Variants in LTBP1 observed in about 807,000 individuals in gnomAD.
LTBP1 encodes latent transforming growth factor beta binding protein 1, also known as latent-transforming growth factor beta-binding protein 1.
In LTBP1, 129 loss-of-function variants were observed where a neutral mutation model predicts 207.6. The ratio of observed to expected loss-of-function variants is 0.62; its 90% CI spans 0.54 to 0.72. LTBP1 has a LOEUF of 0.72. Ranked by LOEUF, LTBP1 falls within the 30% of genes least tolerant of loss-of-function variation. LTBP1 has a pLI of 0.00. For missense variants in LTBP1, 2,281 were observed against 2,217.2 expected (o/e 1.03, Z -0.58); for synonymous variants, 963 against 833.7 (o/e 1.16, Z -2.67).
intron 7 of LTBP1, among the ~76,000 whole-genome samples, chr2:33,207,594 A>G (rs1573185683): frequency 6.6e-6 from 1 of 152,204 alleles, no homozygotes; most frequent in East Asian, 1.9e-4. Flanking sequence ...GAAAATCTGG[A>G]AGTATTTATG....
In LTBP1 at chr2:33,149,257, AG is replaced by A. The variant is rs1478654168; in HGVS notation, c.1201+14298del. On this transcript the variant is annotated intron_variant, in intron 5 of 33. Transcript: ENST00000404816. ...AAAAAAAAAAAAAAAAAAAAAAAAG[AG>A]AGGGAGCTCCCATGGCAGGTAATAA... 2.2e-4 allele frequency among the ~76,000 whole-genome samples: 31 copies of A among 139,578 alleles called. 1 individual carries two copies. In the Admixed American group the frequency reaches 2.2e-3, roughly 10 times the overall value. 91.6% of individuals were successfully genotyped at this position (139,578 alleles called of 152,430 possible).
At chr2:33,164,697 A>C (rs2084774940) in intron 5 of LTBP1, among the ~76,000 whole-genome samples, 1 of 152,200 alleles carries the variant, frequency 6.6e-6, no homozygotes, top group South Asian at 2.1e-4. Context: ...AGAAAGTTTA[A>C]CTTTGAGTCT....
At chr2:33,018,316 C>G (rs1017019870) in intron 2 of LTBP1, among the ~76,000 whole-genome samples, 2 of 151,938 alleles carry the variant, frequency 1.3e-5, no homozygotes, top group Non-Finnish European at 2.9e-5. Flanking sequence ...CCTTGGCCTC[C>G]CCCTAGGTGC....
At chr2:33,052,384 A>T (rs2076788638) in intron 3 of LTBP1, among the ~76,000 whole-genome samples, 1 of 152,274 alleles carries the variant, frequency 6.6e-6, no homozygotes, top group Non-Finnish European at 1.5e-5. Flanking sequence ...ACTGAATTAG[A>T]TTATTTAAAC....
rs754621211 is a variant in LTBP1 at position 33,315,214 on chromosome 2, C to T, written c.3675C>T (p.Phe1225=). 1.9e-5 allele frequency: 31 copies of T among 1,613,626 alleles called. No individual in the cohort carries two copies. Among genetic ancestry groups the T allele is most frequent in the Middle Eastern group, 1.6e-4 (1 of 6,082 alleles). Residue 1225 remains phenylalanine, a synonymous_variant, in exon 24 of 34, where the codon TTC becomes TTT. Coordinates refer to ENST00000404816, the MANE Select transcript of LTBP1 (RefSeq NM_206943.4). Reference sequence around the variant, plus strand: ...AGTGCCTAAACACAGAGGGTTCTTTCCATTGTGTCTGCCAGCAGGGTTTCT... The same window carrying T: ...AGTGCCTAAACACAGAGGGTTCTTTTCATTGTGTCTGCCAGCAGGGTTTCT... ...QGECLNTEGS[F]HCVCQQGFSI... is the part of the protein sequence containing the mutation.
At chr2:33,165,208 A>C (rs899796870) in intron 5 of LTBP1, among the ~76,000 whole-genome samples, 1 of 152,178 alleles carries the variant, frequency 6.6e-6, no homozygotes, top group Non-Finnish European at 1.5e-5. Context: ...AAGAAAGCAT[A>C]TTGGAGGGAT....
At chr2:33,242,375 C>T (rs1160860998) in intron 9 of LTBP1, among the ~76,000 whole-genome samples, 2 of 152,238 alleles carry the variant, frequency 1.3e-5, no homozygotes, top group South Asian at 2.1e-4. Context: ...TTTGATTTCC[C>T]CCTGGATCTC....
chr2:33,349,946 A>T (rs1553513126), intron 26 of LTBP1, among the ~76,000 whole-genome samples: 1 of 152,222 alleles, frequency 6.6e-6, no homozygotes, highest in Non-Finnish European at 1.5e-5. Context: ...GGCTCTGAGC[A>T]TTCTCCCTTC....
intron 2 of LTBP1, among the ~76,000 whole-genome samples, chr2:32,950,684 T>C (rs957601540): frequency 1.3e-5 from 2 of 151,922 alleles, no homozygotes; most frequent in Non-Finnish European, 2.9e-5. Context: ...TGAGCAGAGA[T>C]TGTGCTGGGC....
chr2:33,317,464 G>A (rs1238881433), intron 24 of LTBP1, among the ~76,000 whole-genome samples: 1 of 152,074 alleles, frequency 6.6e-6, no homozygotes, highest in Non-Finnish European at 1.5e-5. Context: ...TTCTAAATTG[G>A]TCCAAATTTC....
Position 33,162,693 on chromosome 2 carries a change from G to T in LTBP1, c.1202-24163G>T, listed in dbSNP as rs13395257. Among the ~76,000 whole-genome samples the T allele has an allele frequency of 5.3e-3, 803 of 152,280 alleles. 4 individuals are homozygous for T. Among genetic ancestry groups the T allele is most frequent in the Non-Finnish European group, 8.0e-3 (545 of 68,018 alleles). ...TCATATGTATACCCTTTCTTATCCA[G>T]TGATAGTAGAAGCTTCATATTTAAG... is the stretch of plus-strand genomic sequence containing the variant. On this transcript the variant is annotated intron_variant, in intron 5 of 33. Transcript: ENST00000404816.
At chr2:33,084,171 C>T (rs540022134) in intron 3 of LTBP1, among the ~76,000 whole-genome samples, 33 of 152,272 alleles carry the variant, frequency 2.2e-4, no homozygotes, top group African/African-American at 5.1e-4. Context: ...AAAAAAAACA[C>T]GGAAAGTTTC....
intron 23 of LTBP1, among the ~76,000 whole-genome samples, chr2:33,313,247 G>T (rs752526808): frequency 1.1e-4 from 17 of 152,206 alleles, no homozygotes; most frequent in Non-Finnish European, 1.5e-4. Flanking sequence ...TTCCTGTTGG[G>T]TTTCTTATTT....
At chr2:33,038,226 T>C (rs1402288856) in intron 3 of LTBP1, among the ~76,000 whole-genome samples, 1 of 152,274 alleles carries the variant, frequency 6.6e-6, no homozygotes, top group Non-Finnish European at 1.5e-5. Flanking sequence ...CTGAGATTTA[T>C]GCTGTTGCTT....
chr2:33,275,952 A>ATGACGG (rs1491287839), intron 18 of LTBP1, 29 bp downstream of exon 18: 19 of 1,543,144 alleles, frequency 1.2e-5, no homozygotes, highest in Non-Finnish European at 1.5e-5. Flanking sequence ...TTCAGCACAC[A>ATGACGG]TGACGGTGAT....
rs146618607 is a variant in LTBP1 at position 33,049,808 on chromosome 2, A to G, written c.863+28602A>G. Among the ~76,000 whole-genome samples, 604 of 152,192 alleles carry G rather than the reference A, an allele frequency of 4.0e-3. 6 individuals carry two copies. The highest frequency in any genetic ancestry group is 0.014 in the African/African-American group (590 of 41,552). ...TAGAACATGCATATAATTTGTAAAT[A>G]ATGTATATTTTGGAGGTTAGGCTTT... is the stretch of plus-strand genomic sequence containing the variant. On this transcript the variant is annotated intron_variant, in intron 3 of 33. Transcript: ENST00000404816.
chr2:33,100,461 C>A (rs1383336897), intron 3 of LTBP1, among the ~76,000 whole-genome samples: 1 of 151,264 alleles, frequency 6.6e-6, no homozygotes, highest in African/African-American at 2.4e-5. Flanking sequence ...TTCCCTCATT[C>A]ACTGTGGTAC....
intron 2 of LTBP1, among the ~76,000 whole-genome samples, chr2:32,995,705 C>T (rs185513477): frequency 4.4e-4 from 67 of 152,264 alleles, no homozygotes; most frequent in African/African-American, 1.4e-3. Context: ...GGGAGAATGG[C>T]GTGAATCCAG....
intron 3 of LTBP1, among the ~76,000 whole-genome samples, chr2:33,048,079 G>A (rs138828490): frequency 1.3e-4 from 20 of 152,222 alleles, no homozygotes; most frequent in Admixed American, 3.3e-4. Flanking sequence ...ATTAAGAGCC[G>A]TAGCATTGTT....
Sources: gnomAD v4.1 joint callset for allele counts (sites outside exome capture counted in the v4.1 genomes callset) on GRCh38, gnomAD v4.1.1 for gene constraint, MANE v1.5 for transcripts, NCBI Gene and HGNC (gene_info 2026-07-23, HGNC 2026-07-21) for gene names.